ATOSA: variants seen among roughly 807,000 people sequenced by gnomAD.
ATOSA encodes atos homolog protein A.
At chr15:52,689,771 T>C in the ATOSA span, among the ~76,000 whole-genome samples, 1 of 152,164 alleles carries the variant, frequency 6.6e-6, no homozygotes, top group Non-Finnish European at 1.5e-5. Context: ...ATCGTATTCT[T>C]TGTGATGGTG....
At chr15:52,679,737 G>A in the ATOSA span, among the ~76,000 whole-genome samples, 1 of 145,416 alleles carries the variant, frequency 6.9e-6, no homozygotes, top group African/African-American at 2.6e-5. Flanking sequence ...CAGACGTGGA[G>A]GATAATTATA....
At chr15:52,700,971 G>T in the ATOSA span, among the ~76,000 whole-genome samples, 1 of 152,054 alleles carries the variant, frequency 6.6e-6, no homozygotes, top group Non-Finnish European at 1.5e-5. Flanking sequence ...TGTTTTTTCT[G>T]GAGCTAGACA....
At chr15:52,652,144 T>A in the ATOSA span, 1 of 1,152,862 alleles carries the variant, frequency 8.7e-7, no homozygotes, top group Non-Finnish European at 1.1e-6. Flanking sequence ...CTAGGTCCAC[T>A]ACAGCTTCCT....
chr15:52,587,273 G>T, the ATOSA span: 1 of 1,418,126 alleles, frequency 7.1e-7, no homozygotes, highest in African/African-American at 1.4e-5. Context: ...GTACATAAAA[G>T]ACTAAAATAA....
At chr15:52,684,848 A>G in the ATOSA span, among the ~76,000 whole-genome samples, 2 of 152,180 alleles carry the variant, frequency 1.3e-5, no homozygotes, top group Non-Finnish European at 2.9e-5. Flanking sequence ...AAGTGTTGGG[A>G]TTACAGGCAT....
At chr15:52,629,506 T>TAAA in the ATOSA span, among the ~76,000 whole-genome samples, 2 of 139,110 alleles carry the variant, frequency 1.4e-5, no homozygotes, top group African/African-American at 5.4e-5. Context: ...TAAGGGTAGT[T>TAAA]AAAAAAAAAA....
the ATOSA span, among the ~76,000 whole-genome samples, chr15:52,693,678 G>A: frequency 2.0e-4 from 30 of 152,192 alleles, no homozygotes; most frequent in East Asian, 5.2e-3. Context: ...AGATATTGTC[G>A]GTCCTTCCTC....
chr15:52,594,967 T>C, the ATOSA span, among the ~76,000 whole-genome samples: 1 of 152,196 alleles, frequency 6.6e-6, no homozygotes, highest in Non-Finnish European at 1.5e-5. Flanking sequence ...TCTCATTTCA[T>C]CTCTCCCAAC....
At chr15:52,705,050 C>A in the ATOSA span, among the ~76,000 whole-genome samples, 145 of 152,302 alleles carry the variant, frequency 9.5e-4, 1 homozygote, top group South Asian at 0.02. Flanking sequence ...AAGACACATG[C>A]ACACATATGT....
At chr15:52,660,289 G>T in the ATOSA span, among the ~76,000 whole-genome samples, 2 of 152,200 alleles carry the variant, frequency 1.3e-5, no homozygotes, top group Non-Finnish European at 2.9e-5. Flanking sequence ...TTATTCTAGT[G>T]AAGGAGACAG....
chr15:52,678,155 CTAT>C, the ATOSA span: 1 of 1,092,058 alleles, frequency 9.2e-7, no homozygotes, highest in Non-Finnish European at 1.4e-6. Flanking sequence ...TAATCTGGCC[CTAT>C]TCTAATACCC....
the ATOSA span, chr15:52,609,093 A>C: frequency 3.7e-6 from 6 of 1,613,394 alleles, no homozygotes; most frequent in Non-Finnish European, 5.1e-6. Context: ...AAGTTGATAA[A>C]CTAGAACTTT....
the ATOSA span, among the ~76,000 whole-genome samples, chr15:52,701,754 G>A: frequency 6.6e-6 from 1 of 152,100 alleles, no homozygotes; most frequent in African/African-American, 2.4e-5. Flanking sequence ...AACACTTTAA[G>A]TAAAATTAAC....
the ATOSA span, among the ~76,000 whole-genome samples, chr15:52,599,664 T>C: frequency 1.3e-5 from 2 of 152,314 alleles, no homozygotes; most frequent in East Asian, 1.9e-4. Flanking sequence ...AAATCTTTAT[T>C]TGAATTTTTA....
the ATOSA span, among the ~76,000 whole-genome samples, chr15:52,668,322 A>G: frequency 6.6e-6 from 1 of 152,228 alleles, no homozygotes; most frequent in Non-Finnish European, 1.5e-5. Context: ...CACATACTGC[A>G]TGATCTCACT....
At chr15:52,651,291 A>G in the ATOSA span, among the ~76,000 whole-genome samples, 1 of 152,218 alleles carries the variant, frequency 6.6e-6, no homozygotes, top group East Asian at 1.9e-4. Context: ...ACTGCACAGA[A>G]CTAGTCAATG....
chr15:52,664,665 G>A, the ATOSA span, among the ~76,000 whole-genome samples: 5 of 152,194 alleles, frequency 3.3e-5, no homozygotes, highest in Non-Finnish European at 7.3e-5. Flanking sequence ...TCTAGAGTGT[G>A]CGCATGGTGG....
chr15:52,701,679 T>A, the ATOSA span, among the ~76,000 whole-genome samples: 1 of 152,160 alleles, frequency 6.6e-6, no homozygotes, highest in Non-Finnish European at 1.5e-5. Flanking sequence ...TAACTACGAT[T>A]CAAAATTCAG....
chr15:52,595,740 A>G, the ATOSA span, among the ~76,000 whole-genome samples: 15 of 152,206 alleles, frequency 9.9e-5, no homozygotes, highest in Non-Finnish European at 2.9e-5. Flanking sequence ...ACTAGCAATG[A>G]ACAATTGACA....
Sources: allele counts gnomAD v4.1 joint callset (sites outside exome capture counted in the v4.1 genomes callset), GRCh38; gene constraint gnomAD v4.1.1; transcripts MANE v1.5; gene names NCBI Gene and HGNC (gene_info 2026-07-23, HGNC 2026-07-21).